Variants in SGSM3 observed in about 807,000 individuals in gnomAD.
SGSM3 encodes the protein small G protein signaling modulator 3, also known as RUN and SH3 containing 3.
A neutral mutation model predicts 100.5 loss-of-function variants in SGSM3; 96 were observed. The observed-to-expected ratio is 0.96, with a 90% CI of 0.81 to 1.13. The LOEUF (loss-of-function observed/expected upper bound fraction) is 1.13. Ranked by LOEUF, SGSM3 falls within the 50% of genes most tolerant of loss-of-function variation. The pLI is 0.00. For missense variants in SGSM3, 1,001 were observed against 1,015.8 expected (o/e 0.99, Z 0.20); for synonymous variants, 483 against 422.8 (o/e 1.14, Z -1.75).
intron 1 of SGSM3, among the ~76,000 whole-genome samples, chr22:40,377,687 A>C (rs987302927): frequency 6.6e-6 from 1 of 152,112 alleles, no homozygotes; most frequent in Non-Finnish European, 1.5e-5. Flanking sequence ...AAAAACTTTA[A>C]AAATTATAAA....
intron 1 of SGSM3, among the ~76,000 whole-genome samples, chr22:40,398,117 G>A (rs569423230): frequency 7.2e-4 from 110 of 151,932 alleles, no homozygotes; most frequent in African/African-American, 2.2e-3. Flanking sequence ...ACAGGCACAC[G>A]CCACCACGCC....
intron 10 of SGSM3, 61 bp from the exon 11 acceptor site, chr22:40,406,956 G>A (rs371664340): frequency 2.0e-6 from 3 of 1,495,006 alleles, no homozygotes; most frequent in Non-Finnish European, 2.7e-6. Context: ...ATAAGCCAAG[G>A]GCTGGTGGGT....
chr22:40,401,245 A>G (rs1388572158), intron 2 of SGSM3, among the ~76,000 whole-genome samples: 4 of 150,294 alleles, frequency 2.7e-5, no homozygotes, highest in Admixed American at 6.6e-5. Flanking sequence ...TTGCCTCTGC[A>G]TTTTCTATTT....
At chr22:40,403,081 T>G (rs1296303312) in intron 4 of SGSM3, among the ~76,000 whole-genome samples, 2 of 152,238 alleles carry the variant, frequency 1.3e-5, no homozygotes, top group East Asian at 1.9e-4. Context: ...ATGATGGAAG[T>G]ATCTGTGTTT....
intron 19 of SGSM3, 45 bp from the exon 20 acceptor site, chr22:40,409,205 G>C (rs1336663502): frequency 6.4e-7 from 1 of 1,560,830 alleles, no homozygotes; most frequent in Non-Finnish European, 8.6e-7. Context: ...GCAGCCAGAA[G>C]GGCCTGGAGC....
chr22:40,409,302 G>A lies in SGSM3; in HGVS notation c.2041G>A (p.Val681Met), dbSNP rs747250196. 13 of 1,612,986 alleles carry A rather than the reference G, an allele frequency of 8.1e-6. No individual in the cohort carries two copies. Among genetic ancestry groups the A allele is most frequent in the South Asian group, 3.3e-5 (3 of 91,062 alleles). ...LEVLCSSLPT[V>M]EKWYQPWSFL... The stretch of plus-strand genomic sequence containing the variant: ...GGTGCTCTGCTCCAGCCTGCCCACC[G>A]TGGAGAAGTGGTACCAGCCCTGGTC... Residue 681 changes from valine to methionine, a missense_variant, in exon 20 of 22, where the codon GTG (valine) becomes ATG (methionine). Transcript: ENST00000248929.
In SGSM3 at chr22:40,407,739, C is replaced by T. The variant is rs1240272741; in HGVS notation, c.1525-50C>T. 1.2e-6 allele frequency: 2 copies of T among 1,607,208 alleles called. No homozygotes were observed. Among genetic ancestry groups the T allele is most frequent in the Non-Finnish European group, 1.7e-6 (2 of 1,173,762 alleles). Reference sequence around the variant, plus strand: ...AGTCATATCGGGGGTGCAGGAGGCGCTGGCCCAGGGCACCCAGCTTTGGTT... The same window carrying T: ...AGTCATATCGGGGGTGCAGGAGGCGTTGGCCCAGGGCACCCAGCTTTGGTT... On this transcript the variant is annotated intron_variant, in intron 13 of 21. Coordinates refer to ENST00000248929, the MANE Select transcript of SGSM3 (RefSeq NM_015705.6). The surrounding 1 kb of genome is among the most constrained non-coding windows in gnomAD (Gnocchi z 4.7).
chr22:40,401,256 T>C (rs1369925549), intron 2 of SGSM3, among the ~76,000 whole-genome samples: 1 of 152,146 alleles, frequency 6.6e-6, no homozygotes, highest in Admixed American at 6.5e-5. Context: ...TTTTCTATTT[T>C]TTTTTTATTT....
At chr22:40,395,325 C>CTT (rs777306889) in intron 1 of SGSM3, among the ~76,000 whole-genome samples, 5 of 141,274 alleles carry the variant, frequency 3.5e-5, no homozygotes, top group Admixed American at 7.1e-5. Flanking sequence ...CCCCATAACT[C>CTT]TTTTTTTTTT....
intron 1 of SGSM3, among the ~76,000 whole-genome samples, chr22:40,386,779 A>G (rs1179285150): frequency 6.6e-6 from 1 of 151,904 alleles, no homozygotes; most frequent in South Asian, 2.1e-4. Flanking sequence ...TTCTAACTCT[A>G]TAATTCATGA....
At position 40,408,610 on chromosome 22, in the gene SGSM3, G is replaced by A. The variant is rs375517191; in HGVS notation, c.1783-17G>A. On this transcript the variant is annotated splice_polypyrimidine_tract_variant and intron_variant, in intron 16 of 21. Coordinates refer to ENST00000248929, the MANE Select transcript of SGSM3 (RefSeq NM_015705.6). Reference sequence around the variant, plus strand: ...ATCTTCCTGTCCCTGCACTCACACCGTGTGCTGTCCCCACAGGCTGCAGGC... The same window carrying A: ...ATCTTCCTGTCCCTGCACTCACACCATGTGCTGTCCCCACAGGCTGCAGGC... 1.9e-5 allele frequency: 30 copies of A among 1,613,590 alleles called. No individual in the cohort carries two copies. The highest frequency in any genetic ancestry group is 5.3e-5 in the African/African-American group (4 of 75,004).
At position 40,408,433 on chromosome 22, in the gene SGSM3, A is replaced by G. The variant is rs2051977882; in HGVS notation, c.1782+4A>G. On this transcript the variant is annotated splice_donor_region_variant and intron_variant, in intron 16 of 21. Transcript: ENST00000248929. ...CCCCTGGCTGTTTATCGAGGAGGTA[A>G]GTCAGTGGCTGGGCCCATGACCCCC... The G allele has an allele frequency of 1.9e-6, 3 of 1,613,336 alleles. No homozygotes were observed.
At chr22:40,408,601 A>C (rs751304043) in intron 16 of SGSM3, 26 bp from the exon 17 acceptor site, 36 of 1,612,740 alleles carry the variant, frequency 2.2e-5, no homozygotes, top group Non-Finnish European at 2.5e-5. Flanking sequence ...CTGTCCCTGC[A>C]CTCACACCGT....
Position 40,408,370 on chromosome 22 carries a change from G to A in SGSM3, c.1723G>A (p.Gly575Arg). The stretch of plus-strand genomic sequence containing the variant: ...GGCCCTTAAGGCCCTGTTCGAACAT[G>A]GACTGAAGAAGCCATCCCTGCTTGG... ...CPALKALFEH[G>R]LKKPSLLGGA... is the part of the protein sequence containing the mutation. Residue 575 changes from glycine to arginine, a missense_variant, in exon 16 of 22, where the codon GGA (glycine) becomes AGA (arginine). By Grantham distance (125) the Gly-to-Arg change is moderately radical. Transcript: ENST00000248929. The A allele has an allele frequency of 2.5e-6, 4 of 1,613,590 alleles. No individual in the cohort carries two copies. The highest frequency in any genetic ancestry group is 3.4e-6 in the Non-Finnish European group (4 of 1,180,006).
chr22:40,386,443 G>C (rs149351501), intron 1 of SGSM3, among the ~76,000 whole-genome samples: 1 of 151,976 alleles, frequency 6.6e-6, no homozygotes, highest in Admixed American at 6.6e-5. Context: ...CAATGGGCCT[G>C]TCTCTAGCTG....
rs763896763 is a variant in SGSM3 at position 40,406,294 on chromosome 22, C to T, written c.960+71C>T. Reference sequence around the variant, plus strand: ...GGGGGGCAGGGGAGCAAGAGACCTCCCTGGGCCAGGCAAGACCAGCCCCCT... The same window carrying T: ...GGGGGGCAGGGGAGCAAGAGACCTCTCTGGGCCAGGCAAGACCAGCCCCCT... On this transcript the variant is annotated intron_variant, in intron 9 of 21. Coordinates refer to ENST00000248929, the MANE Select transcript of SGSM3 (RefSeq NM_015705.6). 194 of 1,591,406 alleles carry T rather than the reference C, an allele frequency of 1.2e-4. 3 individuals are homozygous for T. The South Asian group carries it at 1.5e-3, about 12-fold the overall frequency.
At chr22:40,404,862 T>A (rs1477301758) in intron 6 of SGSM3, among the ~76,000 whole-genome samples, 198 bp downstream of exon 6, 1 of 152,092 alleles carries the variant, frequency 6.6e-6, no homozygotes, top group Admixed American at 6.5e-5. Context: ...GGAGATGGGG[T>A]TCCCAAGCCC....
At chr22:40,390,717 G>A (rs183157214) in intron 1 of SGSM3, among the ~76,000 whole-genome samples, 1 of 152,278 alleles carries the variant, frequency 6.6e-6, no homozygotes, top group East Asian at 1.9e-4. Flanking sequence ...AGAGGAATAG[G>A]GGCACCTAAC....
Position 40,410,008 on chromosome 22 carries a change from G to A in SGSM3, c.*249G>A. On this transcript the variant is annotated 3_prime_UTR_variant, in exon 22 of 22. Transcript: ENST00000248929. ...TACCAAAAACCTTGTGAGGAGGTGG[G>A]GGAGCCATGTCTGTGCTCAGGAAGA... 2 of 1,338,998 alleles carry A rather than the reference G, an allele frequency of 1.5e-6. No individual in the cohort carries two copies. The highest frequency in any genetic ancestry group is 1.9e-6 in the Non-Finnish European group (2 of 1,051,080). 82.9% of individuals were successfully genotyped at this position (1,338,998 alleles called of 1,614,324 possible). A position where few individuals can be genotyped will look rare whatever the true frequency, so the allele number is the denominator to read the frequency against.
Sources: allele counts gnomAD v4.1 joint callset (sites outside exome capture counted in the v4.1 genomes callset), GRCh38; gene constraint gnomAD v4.1.1; non-coding constraint Gnocchi (gnomAD v3.1); transcripts MANE v1.5; gene names NCBI Gene and HGNC (gene_info 2026-07-23, HGNC 2026-07-21).